Variants in LRRC37A2 observed in about 807,000 individuals in gnomAD.
The protein encoded by LRRC37A2 is leucine-rich repeat-containing protein 37A2.
A neutral mutation model predicts 68.8 loss-of-function variants in LRRC37A2; 9 were observed. That is an observed-to-expected ratio of 0.13 (90% CI 0.08 to 0.23). LRRC37A2 has a LOEUF of 0.23. Among genes scored for constraint, LRRC37A2 ranks in the 10% least tolerant of loss-of-function variants. LRRC37A2 has a pLI of 1.00. For synonymous variants in LRRC37A2, 63 were observed against 367.6 expected, an observed-to-expected ratio of 0.17 and a Z score of 9.48; for missense variants, 168 against 950.4, an observed-to-expected ratio of 0.18 and a Z score of 10.82.
At chr17:46,936,825 A>G in the LRRC37A2 span, 1 of 984,962 alleles carries the variant, frequency 1.0e-6, no homozygotes, top group Non-Finnish European at 1.2e-6. Context: ...GATGGCAATG[A>G]AGTTTGACTT....
the LRRC37A2 span, among the ~76,000 whole-genome samples, chr17:46,873,843 A>G: frequency 2.6e-5 from 4 of 152,156 alleles, no homozygotes; most frequent in South Asian, 8.3e-4. Flanking sequence ...TACAAAAATT[A>G]GCTGGCATGG....
chr17:46,966,200 C>G, the LRRC37A2 span, among the ~76,000 whole-genome samples: 4 of 152,198 alleles, frequency 2.6e-5, no homozygotes, highest in African/African-American at 9.6e-5. Flanking sequence ...CCATCAACAT[C>G]TCAAATAATG....
At chr17:46,807,596 T>C in the LRRC37A2 span, among the ~76,000 whole-genome samples, 6 of 152,360 alleles carry the variant, frequency 3.9e-5, no homozygotes, top group Non-Finnish European at 8.8e-5. Flanking sequence ...TTTTGCTTTT[T>C]AATTCGCATG....
the LRRC37A2 span, chr17:46,726,440 G>A: frequency 5.3e-6 from 5 of 940,028 alleles, no homozygotes; most frequent in Non-Finnish European, 7.0e-6. Context: ...CAAAGTGTTG[G>A]TGTTTTCCTG....
chr17:46,936,242 C>T, the LRRC37A2 span: 7 of 985,322 alleles, frequency 7.1e-6, no homozygotes, highest in Non-Finnish European at 8.4e-6. Flanking sequence ...AACTGCTACT[C>T]TCCTTTTCAT....
chr17:46,971,968 A>G, the LRRC37A2 span, among the ~76,000 whole-genome samples: 2 of 152,230 alleles, frequency 1.3e-5, no homozygotes, highest in Non-Finnish European at 2.9e-5. Context: ...TCACACTTAC[A>G]GCCAGGCCTG....
At chr17:46,989,694 C>T in the LRRC37A2 span, among the ~76,000 whole-genome samples, 1 of 152,150 alleles carries the variant, frequency 6.6e-6, no homozygotes. Context: ...CAACTGAAAG[C>T]GTAATGTAAG....
the LRRC37A2 span, among the ~76,000 whole-genome samples, chr17:46,789,076 C>T: frequency 9.2e-5 from 14 of 152,218 alleles, no homozygotes; most frequent in South Asian, 2.1e-4. Flanking sequence ...TAAACATTCA[C>T]GCTGGGCCAG....
the LRRC37A2 span, chr17:46,833,217 G>A: frequency 9.9e-6 from 4 of 405,384 alleles, no homozygotes; most frequent in Non-Finnish European, 2.0e-5. Context: ...CCGGGAAGCA[G>A]CATGTGCGTG....
the LRRC37A2 span, among the ~76,000 whole-genome samples, chr17:46,947,451 T>TA: frequency 2.6e-5 from 4 of 152,146 alleles, no homozygotes; most frequent in South Asian, 6.2e-4. Context: ...CCCTACAACT[T>TA]ACGTTCATGC....
the LRRC37A2 span, chr17:46,923,374 G>C: frequency 6.8e-7 from 1 of 1,472,644 alleles, no homozygotes; most frequent in Non-Finnish European, 9.0e-7. Context: ...CTTAATCCTT[G>C]GCGGGACTCC....
At chr17:46,589,555 GA>G in the LRRC37A2 span, among the ~76,000 whole-genome samples, 2 of 22,856 alleles carry the variant, frequency 8.8e-5, no homozygotes, top group Non-Finnish European at 1.2e-4. Context: ...GGCCGGTCTG[GA>G]ACTCCTGACC....
chr17:46,609,663 A>G, the LRRC37A2 span, among the ~76,000 whole-genome samples: 1 of 148,718 alleles, frequency 6.7e-6, no homozygotes, highest in East Asian at 1.9e-4. Flanking sequence ...AATATTAAGG[A>G]CACATCATAA....
chr17:47,022,526 T>C, the LRRC37A2 span, among the ~76,000 whole-genome samples: 32 of 152,198 alleles, frequency 2.1e-4, no homozygotes, highest in African/African-American at 7.5e-4. Context: ...AAAACTCTCC[T>C]TGTGCCCTAC....
chr17:46,458,528 CTTCTTTTTTT>C, the LRRC37A2 span, among the ~76,000 whole-genome samples: 5 of 52,514 alleles, frequency 9.5e-5, no homozygotes, highest in African/African-American at 3.3e-4. Flanking sequence ...AATTCTTCTT[CTTCTTTTTTT>C]TTTTTTTTTT....
the LRRC37A2 span, among the ~76,000 whole-genome samples, chr17:46,493,728 G>C: frequency 6.7e-6 from 1 of 149,850 alleles, no homozygotes; most frequent in Non-Finnish European, 1.5e-5. Context: ...TAGTAGAGAC[G>C]GGGTTTCACC....
intron 6 of LRRC37A2, among the ~76,000 whole-genome samples, chr17:46,534,530 A>G (rs927363399): frequency 6.8e-6 from 1 of 148,128 alleles, no homozygotes; most frequent in African/African-American, 2.6e-5. Context: ...TCATAGATCA[A>G]CAGCATCCCA....
At chr17:46,893,726 G>T in the LRRC37A2 span, among the ~76,000 whole-genome samples, 1 of 152,118 alleles carries the variant, frequency 6.6e-6, no homozygotes, top group African/African-American at 2.4e-5. Context: ...AAACTGGAAG[G>T]CTCTGGCTTC....
the LRRC37A2 span, chr17:46,979,259 G>T: frequency 2.9e-6 from 1 of 342,040 alleles, no homozygotes. Context: ...AGTGTGCTTA[G>T]CGGTCGCCCG....
Sources: allele counts gnomAD v4.1 joint callset (sites outside exome capture counted in the v4.1 genomes callset), GRCh38; gene constraint gnomAD v4.1.1; transcripts MANE v1.5; gene names NCBI Gene and HGNC (gene_info 2026-07-23, HGNC 2026-07-21).